The following SNRNP40 variants were observed in gnomAD, a reference collection of about 807,000 sequenced individuals.
The protein encoded by SNRNP40 is U5 small nuclear ribonucleoprotein 40 kDa protein.
A neutral mutation model predicts 45.8 loss-of-function variants in SNRNP40; 21 were observed. The observed-to-expected ratio is 0.46, with a 90% confidence interval of 0.32 to 0.66. SNRNP40 has a LOEUF of 0.66. Ranked by LOEUF, SNRNP40 falls within the 30% of genes least tolerant of loss-of-function variation. SNRNP40 has a pLI of 0.03. For missense variants in SNRNP40, 344 were observed against 439.1 expected, an observed-to-expected ratio of 0.78 and a Z score of 1.94; for synonymous variants, 142 against 163.8, an observed-to-expected ratio of 0.87 and a Z score of 1.01.
chr1:31,271,602 T>A, intron 5 of SNRNP40, 103 bp from the exon 6 acceptor site: 1 of 1,097,768 alleles, frequency 9.1e-7, no homozygotes. Context: ...CTGATATTAC[T>A]CTACTATAAA....
chr1:31,287,682 T>C (rs1314427668), intron 4 of SNRNP40, among the ~76,000 whole-genome samples: 1 of 152,122 alleles, frequency 6.6e-6, no homozygotes, highest in Non-Finnish European at 1.5e-5. Context: ...CCCAAGTGAT[T>C]AGGTATAAGA....
At chr1:31,289,165 G>T in intron 4 of SNRNP40, 89 bp downstream of exon 4, 1 of 1,227,738 alleles carries the variant, frequency 8.1e-7, no homozygotes, top group Non-Finnish European at 1.1e-6. Context: ...ATTAAGTTTT[G>T]CACAGGAAGC....
At chr1:31,293,031 T>C (rs1317478525) in intron 2 of SNRNP40, 188 bp downstream of exon 2, 6 of 605,814 alleles carry the variant, frequency 9.9e-6, no homozygotes, top group Non-Finnish European at 1.4e-5. Flanking sequence ...CTTCTGTATT[T>C]ACCCCATGGA....
At chr1:31,296,564 G>T (rs200483003) in intron 1 of SNRNP40, 47 bp downstream of exon 1, 13 of 1,569,546 alleles carry the variant, frequency 8.3e-6, no homozygotes, top group Middle Eastern at 1.9e-4. Context: ...CGCTCTGAGG[G>T]GAGGAAGATG....
chr1:31,290,803 C>T (rs1022162800), intron 3 of SNRNP40, among the ~76,000 whole-genome samples: 5 of 151,344 alleles, frequency 3.3e-5, no homozygotes, highest in African/African-American at 1.2e-4. Flanking sequence ...GTGTGAACCC[C>T]GGAGACGGAG....
chr1:31,278,014 T>C (rs778599297), intron 5 of SNRNP40, among the ~76,000 whole-genome samples: 29 of 152,224 alleles, frequency 1.9e-4, no homozygotes, highest in Non-Finnish European at 3.7e-4. Flanking sequence ...TAGTTTACTA[T>C]CACCAACAGA....
chr1:31,281,253 G>T, intron 5 of SNRNP40, 121 bp downstream of exon 5: 1 of 736,584 alleles, frequency 1.4e-6, no homozygotes, highest in Non-Finnish European at 2.1e-6. Flanking sequence ...TAAGTTCCAA[G>T]TTACTATTTT....
chr1:31,277,826 C>T (rs1024355212), intron 5 of SNRNP40, among the ~76,000 whole-genome samples: 2 of 152,314 alleles, frequency 1.3e-5, no homozygotes, highest in East Asian at 3.9e-4. Context: ...TCTTGAGTAG[C>T]TGGGATTACA....
intron 5 of SNRNP40, among the ~76,000 whole-genome samples, chr1:31,280,691 T>C (rs894279312): frequency 3.9e-5 from 6 of 151,974 alleles, no homozygotes; most frequent in Non-Finnish European, 8.8e-5. Context: ...GCACTTGTTA[T>C]GTCCAGGAAT....
intron 3 of SNRNP40, 40 bp downstream of exon 3, chr1:31,291,870 AATT>A: frequency 7.4e-7 from 1 of 1,359,374 alleles, no homozygotes; most frequent in Non-Finnish European, 1.1e-6. Flanking sequence ...GGACGCCAAG[AATT>A]AGTATGAGAA....
At chr1:31,291,185 G>A (rs528787162) in intron 3 of SNRNP40, among the ~76,000 whole-genome samples, 1 of 151,090 alleles carries the variant, frequency 6.6e-6, no homozygotes, top group South Asian at 2.1e-4. Flanking sequence ...CTATTCTGGA[G>A]GCTGAGGCAA....
intron 4 of SNRNP40, among the ~76,000 whole-genome samples, chr1:31,285,242 CTT>C (rs10694913): frequency 2.9e-5 from 4 of 139,326 alleles, no homozygotes; most frequent in East Asian, 2.1e-4. Flanking sequence ...GCCTTATCAC[CTT>C]TTTTTTTTTT....
intron 6 of SNRNP40, chr1:31,271,175 T>G (rs1468351883): frequency 1.5e-4 from 77 of 499,658 alleles, no homozygotes; most frequent in Non-Finnish European, 7.0e-6. Context: ...CTTATCAATG[T>G]AGAAACTGAT....
chr1:31,280,815 A>G (rs186016095), intron 5 of SNRNP40, among the ~76,000 whole-genome samples: 106 of 152,108 alleles, frequency 7.0e-4, no homozygotes, highest in African/African-American at 2.5e-3. Context: ...CACAAGAAAA[A>G]GAGGCTTAAA....
intron 6 of SNRNP40, among the ~76,000 whole-genome samples, chr1:31,270,073 T>C (rs1418769854): frequency 1.3e-5 from 2 of 152,118 alleles, no homozygotes; most frequent in Admixed American, 6.5e-5. Flanking sequence ...TGGCTAATTT[T>C]TGTATTTTTA....
chr1:31,292,293 C>T (rs1257456917), intron 2 of SNRNP40, among the ~76,000 whole-genome samples: 1 of 152,106 alleles, frequency 6.6e-6, no homozygotes, highest in Non-Finnish European at 1.5e-5. Context: ...ACCCAGGAGA[C>T]GGAGGATGCA....
At position 31,296,635 on chromosome 1, in the gene SNRNP40, C is replaced by T; in HGVS notation, c.117G>A (p.Ala39=). The change falls in exon 1 of 10, where the codon GCG becomes GCA. Residue 39 remains alanine, a synonymous_variant. Transcript: ENST00000263694. Reference sequence around the variant, plus strand: ...CCGCTTGCAGCAAGGCTCCCGGCGTCGCCTGCTGCTGCCCGGCTCCTGGGC... The same window carrying T: ...CCGCTTGCAGCAAGGCTCCCGGCGTTGCCTGCTGCTGCCCGGCTCCTGGGC... The part of the protein sequence containing the change: ...GSGPGAGQQQ[A]TPGALLQAGP... The T allele has an allele frequency of 6.2e-7, 1 of 1,612,502 alleles. No homozygotes were observed. The highest frequency in any genetic ancestry group is 8.5e-7 in the Non-Finnish European group (1 of 1,179,392).
At chr1:31,294,050 C>T (rs1557681468) in intron 1 of SNRNP40, among the ~76,000 whole-genome samples, 1 of 150,790 alleles carries the variant, frequency 6.6e-6, no homozygotes, top group Non-Finnish European at 1.5e-5. Context: ...CCTATGCTTT[C>T]TGGGTTCAAG....
intron 1 of SNRNP40, 47 bp from the exon 2 acceptor site, chr1:31,293,395 AGGCTACAAAATTAGGG>A (rs756964178): frequency 3.2e-6 from 5 of 1,539,936 alleles, no homozygotes; most frequent in South Asian, 1.3e-5. Context: ...CAGACAAAGG[AGGCTACAAAATTAGGG>A]GGTGGGGAGT....
Sources: gnomAD v4.1 joint callset for allele counts (sites outside exome capture counted in the v4.1 genomes callset) on GRCh38, gnomAD v4.1.1 for gene constraint, MANE v1.5 for transcripts, NCBI Gene and HGNC (gene_info 2026-07-23, HGNC 2026-07-21) for gene names.